ITPR2: variants seen among roughly 807,000 people sequenced by gnomAD.
ITPR2 encodes inositol 1,4,5-trisphosphate-gated calcium channel ITPR2.
ITPR2 carries 207 observed loss-of-function variants against 317.1 expected under a neutral mutation model. The ratio of observed to expected loss-of-function variants is 0.65; its 90% CI spans 0.58 to 0.73. The LOEUF is 0.73. ITPR2 is among the 30% of genes least tolerant of loss of function. The pLI is 0.00. For missense variants in ITPR2, 2,613 were observed against 3,284.0 expected, an observed-to-expected ratio of 0.80 and a Z score of 4.99; for synonymous variants, 1,156 against 1,149.1, an observed-to-expected ratio of 1.01 and a Z score of -0.12.
At chr12:26,508,259 G>A (rs1943242337) in intron 37 of ITPR2, among the ~76,000 whole-genome samples, 1 of 152,026 alleles carries the variant, frequency 6.6e-6, no homozygotes, top group Non-Finnish European at 1.5e-5. Flanking sequence ...TATGATTGAT[G>A]AACTATATTG....
At chr12:26,402,489 G>A (rs1368152033) in intron 52 of ITPR2, among the ~76,000 whole-genome samples, 1 of 152,172 alleles carries the variant, frequency 6.6e-6, no homozygotes, top group Non-Finnish European at 1.5e-5. Flanking sequence ...AAGATTGTTT[G>A]TTCTCTAACA....
At chr12:26,495,058 A>G (rs1469931249) in intron 38 of ITPR2, 94 bp downstream of exon 38, 14 of 748,190 alleles carry the variant, frequency 1.9e-5, no homozygotes, top group Non-Finnish European at 2.4e-5. Context: ...TGACTCTTTT[A>G]TATATCTGCC....
At chr12:26,392,624 A>G (rs902602286) in intron 54 of ITPR2, among the ~76,000 whole-genome samples, 2 of 152,260 alleles carry the variant, frequency 1.3e-5, no homozygotes, top group African/African-American at 4.8e-5. Flanking sequence ...TAATTAAATA[A>G]ATGAATAAGA....
chr12:26,777,392 T>C (rs902375030), intron 2 of ITPR2, among the ~76,000 whole-genome samples: 2 of 152,196 alleles, frequency 1.3e-5, no homozygotes, highest in Non-Finnish European at 2.9e-5. Flanking sequence ...TCTCTGTATG[T>C]CAGATCTAAT....
chr12:26,815,786 A>G (rs1229167783), intron 1 of ITPR2, among the ~76,000 whole-genome samples: 1 of 152,166 alleles, frequency 6.6e-6, no homozygotes, highest in Non-Finnish European at 1.5e-5. Flanking sequence ...TACTAAACAA[A>G]TAACAGCTTA....
At chr12:26,670,696 C>T (rs1343856717) in intron 13 of ITPR2, among the ~76,000 whole-genome samples, 2 of 152,224 alleles carry the variant, frequency 1.3e-5, no homozygotes, top group East Asian at 1.9e-4. Context: ...CAAAGCTGGA[C>T]GGATAATGAC....
At chr12:26,345,614 A>C (rs953890120) in intron 55 of ITPR2, among the ~76,000 whole-genome samples, 1 of 152,204 alleles carries the variant, frequency 6.6e-6, no homozygotes, top group African/African-American at 2.4e-5. Flanking sequence ...TCTTTTCATG[A>C]AAATTAACTC....
intron 55 of ITPR2, among the ~76,000 whole-genome samples, chr12:26,362,109 G>C (rs1938848619): frequency 6.6e-6 from 1 of 152,148 alleles, no homozygotes; most frequent in South Asian, 2.1e-4. Context: ...TGTGGTTCAG[G>C]GGCTGGAGGG....
At chr12:26,704,880 C>T (rs187452723) in intron 9 of ITPR2, among the ~76,000 whole-genome samples, 2 of 151,970 alleles carry the variant, frequency 1.3e-5, no homozygotes, top group African/African-American at 2.4e-5. Context: ...GTCACACTGG[C>T]CAATATAAAC....
chr12:26,760,702 T>C (rs1442062609), intron 2 of ITPR2, among the ~76,000 whole-genome samples: 3 of 152,218 alleles, frequency 2.0e-5, no homozygotes, highest in African/African-American at 7.2e-5. Flanking sequence ...TTATCTGTGT[T>C]CTGTGGTAGA....
At chr12:26,802,310 T>C (rs894924235) in intron 1 of ITPR2, among the ~76,000 whole-genome samples, 1 of 151,228 alleles carries the variant, frequency 6.6e-6, no homozygotes, top group African/African-American at 2.4e-5. Flanking sequence ...AAAAAAAAAA[T>C]AAAAATAATT....
In ITPR2 at chr12:26,832,723, T is replaced by C. The variant is rs1266844865; in HGVS notation, c.59A>G (p.Glu20Gly). Residue 20 changes from glutamate to glycine, a missense_variant, in exon 1 of 57, where the codon GAG becomes GGG. Around this residue, in one of 9 missense-constraint regions of ITPR2, gnomAD observed 515 missense variants for 789.4 expected, o/e 0.65. Coordinates refer to ENST00000381340, the MANE Select transcript of ITPR2 (RefSeq NM_002223.4). Reference sequence around the variant, plus strand: ...GCTGATGAAGCCGTTGACCGAGCCCTCCGCGTACAGGGACACGATGTCCCC... The same window carrying C: ...GCTGATGAAGCCGTTGACCGAGCCCCCCGCGTACAGGGACACGATGTCCCC... ...YIGDIVSLYAEGSVNGFISTL... is the reference protein window; with the variant it reads ...YIGDIVSLYAGGSVNGFISTL... The C allele has an allele frequency of 1.9e-6, 3 of 1,600,150 alleles. No homozygotes were observed. In the African/African-American group the frequency reaches 4.1e-5, roughly 22 times the overall value.
At chr12:26,515,684 C>T (rs977866874) in intron 37 of ITPR2, among the ~76,000 whole-genome samples, 9 of 151,986 alleles carry the variant, frequency 5.9e-5, no homozygotes, top group Non-Finnish European at 1.2e-4. Context: ...GCCACATGGC[C>T]GAGCCGCATC....
chr12:26,507,857 C>CTCTGTGTGTGTGTG (rs1326140162), intron 37 of ITPR2, among the ~76,000 whole-genome samples: 359 of 88,288 alleles, frequency 4.1e-3, no homozygotes, highest in African/African-American at 0.012. Context: ...TCTTCTCTCT[C>CTCTGTGTGTGTGTG]TGTCTCTGTG....
intron 48 of ITPR2, among the ~76,000 whole-genome samples, chr12:26,431,220 C>T (rs570029075): frequency 7.9e-5 from 12 of 152,282 alleles, no homozygotes; most frequent in African/African-American, 2.9e-4. Flanking sequence ...AAGAATTACA[C>T]TACAAATTCT....
At chr12:26,671,791 T>C (rs1947778861) in intron 13 of ITPR2, among the ~76,000 whole-genome samples, 1 of 152,186 alleles carries the variant, frequency 6.6e-6, no homozygotes, top group South Asian at 2.1e-4. Context: ...CAGTGTGCTG[T>C]ATTCAGGCAA....
chr12:26,755,612 T>C (rs2137114100), intron 2 of ITPR2, among the ~76,000 whole-genome samples: 1 of 152,344 alleles, frequency 6.6e-6, no homozygotes, highest in Non-Finnish European at 1.5e-5. Flanking sequence ...TCTCCAGAAT[T>C]TGGAAAGTAG....
intron 22 of ITPR2, chr12:26,630,747 T>C (rs1201394091): frequency 6.6e-6 from 1 of 152,194 alleles, no homozygotes; most frequent in East Asian, 1.9e-4. Flanking sequence ...GTTTTTCTAA[T>C]GCTTTTTTTC....
intron 45 of ITPR2, among the ~76,000 whole-genome samples, chr12:26,446,053 G>A (rs1789691615): frequency 1.3e-5 from 2 of 152,092 alleles, no homozygotes; most frequent in African/African-American, 4.8e-5. Context: ...GGGTGGTTGT[G>A]ATGATGGGAA....
Sources: allele counts gnomAD v4.1 joint callset (sites outside exome capture counted in the v4.1 genomes callset), GRCh38; gene constraint gnomAD v4.1.1; regional missense constraint gnomAD v4.1.1; transcripts MANE v1.5; gene names NCBI Gene and HGNC (gene_info 2026-07-23, HGNC 2026-07-21).